HMCN1: variants seen among roughly 807,000 people sequenced by gnomAD.
The protein encoded by HMCN1 is hemicentin-1.
HMCN1 carries 321 observed loss-of-function variants against 625.9 expected under a neutral mutation model. The ratio of observed to expected loss-of-function variants is 0.51; its 90% CI spans 0.47 to 0.56. The LOEUF (loss-of-function observed/expected upper bound fraction) is 0.56. Among genes scored for constraint, HMCN1 ranks in the 20% least tolerant of loss-of-function variants. The probability of loss-of-function intolerance (pLI) is 0.00; values close to 1 mark genes in which losing one functional copy is unlikely to be tolerated. For synonymous variants in HMCN1, 2,425 were observed against 2,417.6 expected (o/e 1.00, Z -0.09); for missense variants, 6,588 against 6,887.3 (o/e 0.96, Z 1.54).
At chr1:185,788,176 A>T (rs933347854) in intron 1 of HMCN1, among the ~76,000 whole-genome samples, 6 of 152,236 alleles carry the variant, frequency 3.9e-5, no homozygotes, top group South Asian at 2.1e-4. Context: ...TTCAAGGATT[A>T]TTTGAAAGTT....
At chr1:185,920,921 C>A (rs1416207182) in intron 6 of HMCN1, among the ~76,000 whole-genome samples, 1 of 152,166 alleles carries the variant, frequency 6.6e-6, no homozygotes, top group Non-Finnish European at 1.5e-5. Context: ...TAAGATCAAG[C>A]ATTCTGACTG....
chr1:185,812,123 A>G (rs1443360433), intron 1 of HMCN1, among the ~76,000 whole-genome samples: 1 of 151,586 alleles, frequency 6.6e-6, no homozygotes, highest in Admixed American at 6.6e-5. Context: ...AAAAGTTTTT[A>G]TCTGCTTAAT....
chr1:185,974,608 C>A (rs930364841), intron 15 of HMCN1, among the ~76,000 whole-genome samples: 1 of 152,126 alleles, frequency 6.6e-6, no homozygotes, highest in Non-Finnish European at 1.5e-5. Flanking sequence ...ACCATCTACT[C>A]ACTGTAATTC....
chr1:185,987,499 A>T lies in HMCN1; in HGVS notation c.3003A>T (p.Pro1001=), dbSNP rs968405820. 2.5e-6 allele frequency: 4 copies of T among 1,613,806 alleles called. No homozygotes were observed. The African/African-American group carries it at 5.3e-5, about 22-fold the overall frequency. Residue 1001 remains proline, a synonymous_variant, in exon 20 of 107, where the codon CCA becomes CCT. Transcript: ENST00000271588. ...TTGAAGGCATTCCAGTAACTTTACC[A>T]TGCAAAGCAAGTGGAAATCCCAAAC... The part of the protein sequence containing the change: ...STIEGIPVTL[P]CKASGNPKPS...
At chr1:185,968,217 G>A (rs1490280513) in intron 14 of HMCN1, among the ~76,000 whole-genome samples, 1 of 152,000 alleles carries the variant, frequency 6.6e-6, no homozygotes, top group Non-Finnish European at 1.5e-5. Flanking sequence ...AGTGAATAAT[G>A]GAGTTTCTGG....
At chr1:185,883,561 G>A (rs1281010709) in intron 4 of HMCN1, among the ~76,000 whole-genome samples, 1 of 151,890 alleles carries the variant, frequency 6.6e-6, no homozygotes, top group Non-Finnish European at 1.5e-5. Context: ...CCAAGTTATT[G>A]TGTGTATCAT....
chr1:185,864,536 G>C lies in HMCN1; in HGVS notation c.406G>C (p.Gly136Arg). 1 of 1,613,970 alleles carries C rather than the reference G, an allele frequency of 6.2e-7. No homozygotes were observed. The highest frequency in any genetic ancestry group is 8.5e-7 in the Non-Finnish European group (1 of 1,179,926). ...AATTGCCTTGGAAATTTCTCTTCCT[G>C]GTTCTTTCATCTATGTTTTCACTGA... The part of the protein sequence containing the change: ...IKIALEISLP[G>R]SFIYVFTDAR... The change falls in exon 3 of 107, where the codon GGT (glycine) becomes CGT (arginine). Residue 136 changes from glycine to arginine, a missense_variant. Physicochemically the swap from Gly to Arg is moderately radical, Grantham distance 125 (BLOSUM62 -2). Transcript: ENST00000271588.
intron 36 of HMCN1, among the ~76,000 whole-genome samples, chr1:186,037,539 T>C (rs1655916507): frequency 6.6e-6 from 1 of 152,186 alleles, no homozygotes. Context: ...AAAGATAAAG[T>C]AAGATATTTT....
intron 68 of HMCN1, among the ~76,000 whole-genome samples, chr1:186,096,927 C>T (rs2102427141): frequency 6.6e-6 from 1 of 152,260 alleles, no homozygotes; most frequent in South Asian, 2.1e-4. Flanking sequence ...AAATCCACAG[C>T]TAACATCACA....
rs184324913 is a variant in HMCN1 at position 185,967,500 on chromosome 1, T to C, written c.2212+1585T>C. On this transcript the variant is annotated intron_variant, in intron 14 of 106. Transcript: ENST00000271588. The stretch of plus-strand genomic sequence containing the variant: ...TAGAATATGGGCATTTGATACATTG[T>C]AAGATGTGTTCCCTGGGTTCATCAA... 1.2e-4 allele frequency among the ~76,000 whole-genome samples: 18 copies of C among 152,200 alleles called. No individual in the cohort carries two copies. The East Asian group carries it at 1.9e-3, about 16-fold the overall frequency.
At position 185,909,322 on chromosome 1, in the gene HMCN1, C is replaced by G; in HGVS notation, c.622-15C>G. 1 of 1,601,246 alleles carries G rather than the reference C, an allele frequency of 6.2e-7. No homozygotes were observed. Among genetic ancestry groups the G allele is most frequent in the Non-Finnish European group, 8.6e-7 (1 of 1,168,662 alleles). ...GTTTTCTGATATCACTTACACTTCT[C>G]TTTCTCTCTTATAGGTATTAAAATG... On this transcript the variant is annotated splice_polypyrimidine_tract_variant and intron_variant, in intron 4 of 106. Transcript: ENST00000271588.
intron 4 of HMCN1, among the ~76,000 whole-genome samples, chr1:185,900,312 A>G (rs1276310015): frequency 6.6e-6 from 1 of 152,034 alleles, no homozygotes; most frequent in Non-Finnish European, 1.5e-5. Flanking sequence ...GCTGTAATTT[A>G]TTAAAGATAT....
chr1:185,824,682 A>G (rs1396414840), intron 1 of HMCN1, among the ~76,000 whole-genome samples: 3 of 152,122 alleles, frequency 2.0e-5, no homozygotes, highest in Non-Finnish European at 4.4e-5. Flanking sequence ...TACTTTACAT[A>G]CTCTGTACCA....
At chr1:186,048,610 T>C (rs1168977714) in intron 41 of HMCN1, 133 bp from the exon 42 acceptor site, 8 of 674,902 alleles carry the variant, frequency 1.2e-5, no homozygotes, top group Non-Finnish European at 1.9e-5. Flanking sequence ...GCCATTTATA[T>C]TGCTATTTTG....
In HMCN1 at chr1:186,187,898, T is replaced by C; in HGVS notation, c.16430T>C (p.Leu5477Pro). 6.2e-7 allele frequency: 1 copy of C among 1,613,788 alleles called. No homozygotes were observed. The highest frequency in any genetic ancestry group is 8.5e-7 in the Non-Finnish European group (1 of 1,179,752). ...CTGTCCCTAGATATCGATGAATGTC[T>C]GGAGCAGAATGTGCACTGTGGACCC... ...GKTCQDIDEC[L>P]EQNVHCGPNR... The change falls in exon 106 of 107, where the codon CTG (leucine) becomes CCG (proline). Residue 5477 changes from leucine (L) to proline (P), a missense_variant. Around this residue, in one of 3 missense-constraint regions of HMCN1, gnomAD observed 1,954 missense variants for 2,013.1 expected, o/e 0.97. Transcript: ENST00000271588.
At chr1:186,080,833 A>T (rs1051109775) in intron 55 of HMCN1, among the ~76,000 whole-genome samples, 6 of 151,774 alleles carry the variant, frequency 4.0e-5, no homozygotes, top group Admixed American at 3.9e-4. Context: ...GGATGACCAT[A>T]TAGACTTAAA....
rs1437980746 is a variant in HMCN1 at position 185,865,710 on chromosome 1, A to T, written c.499-31A>T. 29 of 1,574,090 alleles carry T rather than the reference A, an allele frequency of 1.8e-5. No individual in the cohort carries two copies. In the East Asian group the frequency reaches 6.1e-4, roughly 33 times the overall value. The stretch of plus-strand genomic sequence containing the variant: ...ATTTTTTTATTTCTGGAAACCCTTT[A>T]CACTGTTTCTTTTTTTTTTTTTAAT... On this transcript the variant is annotated intron_variant, in intron 3 of 106. Transcript: ENST00000271588.
At position 186,125,866 on chromosome 1, in the gene HMCN1, G is replaced by A. The variant is rs1010028690; in HGVS notation, c.12690+72G>A. 4 of 1,132,710 alleles carry A rather than the reference G, an allele frequency of 3.5e-6. No homozygotes were observed. The East Asian group carries it at 7.3e-5, about 21-fold the overall frequency. The allele number at this position is 1,132,710 out of a possible 1,614,324, so 70.2% of individuals were successfully genotyped here. ...TTGCCATCATACTTTTAGTAATTTAGCATGGAAGTATATTCTTTAATAATT... is the reference window on the plus strand; with the variant it reads ...TTGCCATCATACTTTTAGTAATTTAACATGGAAGTATATTCTTTAATAATT... On this transcript the variant is annotated intron_variant, in intron 82 of 106. Transcript: ENST00000271588.
chr1:185,774,663 G>A (rs1244772554), intron 1 of HMCN1, among the ~76,000 whole-genome samples: 1 of 152,104 alleles, frequency 6.6e-6, no homozygotes, highest in Non-Finnish European at 1.5e-5. Flanking sequence ...AGCGACCCTT[G>A]AAAGGAAATA....
Sources: gnomAD v4.1 joint callset for allele counts (sites outside exome capture counted in the v4.1 genomes callset) on GRCh38, gnomAD v4.1.1 for gene constraint, gnomAD v4.1.1 regional missense constraint, MANE v1.5 for transcripts, NCBI Gene and HGNC (gene_info 2026-07-23, HGNC 2026-07-21) for gene names.